The following BACH2 variants were observed in gnomAD, a reference collection of about 807,000 sequenced individuals.
BACH2 encodes the protein BACH transcriptional regulator 2.
Under a neutral mutation model 61.8 loss-of-function variants are expected in BACH2, and 5 were observed. The ratio of observed to expected loss-of-function variants is 0.08; its 90% CI spans 0.04 to 0.17. The LOEUF (loss-of-function observed/expected upper bound fraction) is 0.17, where lower values mean the gene tolerates loss of function less well. Ranked by LOEUF, BACH2 falls within the 10% of genes least tolerant of loss-of-function variation. BACH2 has a pLI of 1.00. For missense variants in BACH2, 824 were observed against 1,091.1 expected (o/e 0.76, Z 3.45); for synonymous variants, 446 against 440.1 (o/e 1.01, Z -0.17).
chr6:90,262,609 C>T (rs1215569657), intron 2 of BACH2, among the ~76,000 whole-genome samples: 2 of 152,166 alleles, frequency 1.3e-5, no homozygotes, highest in African/African-American at 4.8e-5. Flanking sequence ...AAATTTGCCT[C>T]TGAAAAACAA....
intron 7 of BACH2, among the ~76,000 whole-genome samples, chr6:89,947,715 A>G (rs9362705): frequency 0.19 from 28,182 of 151,402 alleles, 2,819 homozygotes; most frequent in African/African-American, 0.25. Context: ...ACAGGCGCCC[A>G]CCACGACGCC....
At chr6:90,029,031 G>A (rs1014614909) in intron 5 of BACH2, among the ~76,000 whole-genome samples, 9 of 152,066 alleles carry the variant, frequency 5.9e-5, no homozygotes, top group Admixed American at 2.6e-4. Flanking sequence ...CCCCATTCAC[G>A]TTTCATTTCC....
At chr6:89,963,068 T>C (rs1054738955) in intron 6 of BACH2, among the ~76,000 whole-genome samples, 43 of 152,100 alleles carry the variant, frequency 2.8e-4, no homozygotes, top group African/African-American at 1.0e-3. Flanking sequence ...CAACTAAAAG[T>C]AGGCAAAGGA....
intron 4 of BACH2, among the ~76,000 whole-genome samples, chr6:90,189,607 T>TC (rs1768491569): frequency 9.9e-6 from 1 of 101,284 alleles, no homozygotes; most frequent in Non-Finnish European, 1.8e-5. Context: ...AGAGCGAGAC[T>TC]CCGTCTCAAA....
chr6:90,296,224 T>A (rs1582578786), intron 1 of BACH2, among the ~76,000 whole-genome samples: 1 of 151,954 alleles, frequency 6.6e-6, no homozygotes, highest in African/African-American at 2.4e-5. Flanking sequence ...TCGGCCGCCG[T>A]AAACAGCCGG....
chr6:89,938,302 C>T lies in BACH2; in HGVS notation c.1885G>A (p.Asp629Asn), dbSNP rs765302093. 3.0e-5 allele frequency: 48 copies of T among 1,614,114 alleles called. No homozygotes were observed. Among genetic ancestry groups the T allele is most frequent in the Non-Finnish European group, 4.1e-5 (48 of 1,180,036 alleles). Residue 629 changes from aspartate to asparagine, a missense_variant, in exon 8 of 9, where the codon GAT (aspartate) becomes AAT (asparagine). Coordinates refer to ENST00000257749, the MANE Select transcript of BACH2 (RefSeq NM_021813.4). ...VDQITDLPRN[D>N]FQMMIKMHKL... ...TGCATTTTAATCATCATCTGGAAATCGTTCCTTGGAAGATCTGTGATTTGA... is the reference window on the plus strand; with the variant it reads ...TGCATTTTAATCATCATCTGGAAATTGTTCCTTGGAAGATCTGTGATTTGA...
chr6:89,983,259 A>T (rs1776054363), intron 6 of BACH2, among the ~76,000 whole-genome samples: 1 of 152,222 alleles, frequency 6.6e-6, no homozygotes, highest in Admixed American at 6.5e-5. Context: ...TCATTCCATC[A>T]TATTTATTGA....
intron 3 of BACH2, among the ~76,000 whole-genome samples, chr6:90,221,800 G>T (rs373831143): frequency 1.3e-5 from 2 of 152,138 alleles, no homozygotes; most frequent in African/African-American, 4.8e-5. Context: ...ATTAAAACCC[G>T]TAAGTATAAA....
At chr6:89,933,266 C>A (rs755070471) in intron 8 of BACH2, among the ~76,000 whole-genome samples, 2 of 152,074 alleles carry the variant, frequency 1.3e-5, no homozygotes, top group Admixed American at 6.5e-5. Context: ...AAATCTCCCC[C>A]AAATGTATCA....
intron 4 of BACH2, among the ~76,000 whole-genome samples, chr6:90,129,509 C>T (rs1405952421): frequency 7.9e-5 from 12 of 151,056 alleles, no homozygotes; most frequent in Non-Finnish European, 1.6e-4. Flanking sequence ...TGGTTTCTTT[C>T]TTTTTTTTTA....
chr6:89,954,828 C>T (rs749678975), intron 6 of BACH2, among the ~76,000 whole-genome samples: 13 of 152,124 alleles, frequency 8.5e-5, no homozygotes, highest in Admixed American at 2.0e-4. Flanking sequence ...TTGAAATGAT[C>T]GTCATATGGT....
At chr6:89,986,906 T>C (rs968632320) in intron 6 of BACH2, among the ~76,000 whole-genome samples, 5 of 152,194 alleles carry the variant, frequency 3.3e-5, no homozygotes, top group African/African-American at 1.2e-4. Flanking sequence ...GGTCACTCTT[T>C]GAATGATACG....
At chr6:90,096,621 T>G (rs896033440) in intron 4 of BACH2, among the ~76,000 whole-genome samples, 3 of 152,162 alleles carry the variant, frequency 2.0e-5, no homozygotes, top group Non-Finnish European at 4.4e-5. Flanking sequence ...CAGAGTACAG[T>G]GACAGGTACA....
intron 6 of BACH2, among the ~76,000 whole-genome samples, chr6:89,958,172 G>A (rs1263596752): frequency 6.6e-6 from 1 of 152,100 alleles, no homozygotes; most frequent in East Asian, 1.9e-4. Flanking sequence ...TTAGAGATGA[G>A]GTCTCACTAT....
At chr6:90,188,285 T>C (rs1330341967) in intron 4 of BACH2, among the ~76,000 whole-genome samples, 1 of 152,258 alleles carries the variant, frequency 6.6e-6, no homozygotes, top group Non-Finnish European at 1.5e-5. Flanking sequence ...CATGAATTTG[T>C]ATAGAATGTC....
At chr6:90,223,322 A>G (rs1325250325) in intron 3 of BACH2, among the ~76,000 whole-genome samples, 4 of 152,168 alleles carry the variant, frequency 2.6e-5, no homozygotes, top group Non-Finnish European at 5.9e-5. Context: ...AGACAAAACA[A>G]ATTACAACAG....
intron 7 of BACH2, among the ~76,000 whole-genome samples, chr6:89,941,793 C>T (rs1311242024): frequency 6.6e-6 from 1 of 152,172 alleles, no homozygotes; most frequent in African/African-American, 2.4e-5. Flanking sequence ...TGTTTACTTA[C>T]TCTCAGAAAG....
intron 4 of BACH2, among the ~76,000 whole-genome samples, chr6:90,183,427 A>G (rs1378299520): frequency 6.6e-6 from 1 of 152,220 alleles, no homozygotes; most frequent in Non-Finnish European, 1.5e-5. Context: ...TGATCTGTGA[A>G]ATTCTAACAT....
At chr6:90,167,501 C>T (rs1481460476) in intron 4 of BACH2, among the ~76,000 whole-genome samples, 1 of 152,278 alleles carries the variant, frequency 6.6e-6, no homozygotes, top group East Asian at 1.9e-4. Context: ...GGATTACAGG[C>T]ACCTGCCACC....
Sources: allele counts gnomAD v4.1 joint callset (sites outside exome capture counted in the v4.1 genomes callset), GRCh38; gene constraint gnomAD v4.1.1; transcripts MANE v1.5; gene names NCBI Gene and HGNC (gene_info 2026-07-23, HGNC 2026-07-21).